PRDM6: variants seen among roughly 807,000 people sequenced by gnomAD.
PRDM6 encodes the protein putative histone-lysine N-methyltransferase PRDM6.
Under a neutral mutation model 60.8 loss-of-function variants are expected in PRDM6, and 25 were observed. The observed-to-expected ratio is 0.41, with a 90% confidence interval of 0.30 to 0.57. The LOEUF is 0.57. Among genes scored for constraint, PRDM6 ranks in the 20% least tolerant of loss-of-function variants. PRDM6 has a pLI of 0.27. For missense variants in PRDM6, 839 were observed against 821.3 expected, an observed-to-expected ratio of 1.02 and a Z score of -0.26; for synonymous variants, 407 against 357.4, an observed-to-expected ratio of 1.14 and a Z score of -1.57.
chr5:123,148,138 T>C (rs1423543672), intron 3 of PRDM6, among the ~76,000 whole-genome samples: 2 of 152,254 alleles, frequency 1.3e-5, no homozygotes, highest in Non-Finnish European at 2.9e-5. Flanking sequence ...TATTTCAGTC[T>C]TGACTTATAT....
intron 3 of PRDM6, among the ~76,000 whole-genome samples, chr5:123,139,221 G>A (rs929863447): frequency 2.6e-5 from 4 of 152,124 alleles, no homozygotes; most frequent in African/African-American, 9.7e-5. Context: ...CGTGAAAACA[G>A]ACTAATATAG....
chr5:123,113,288 T>C (rs6889165), intron 3 of PRDM6, among the ~76,000 whole-genome samples: 56,795 of 152,102 alleles, frequency 0.37, 12,428 homozygotes, highest in African/African-American at 0.59. Flanking sequence ...AAAGCTTTTT[T>C]TAAATGTTTA....
Position 123,170,795 on chromosome 5 carries a change from A to G in PRDM6, c.1183A>G (p.Met395Val). The change falls in exon 6 of 8, where the codon ATG becomes GTG. Residue 395 changes from methionine to valine, a missense_variant. Met to Val is a conservative substitution (Grantham distance 21, BLOSUM62 1). Transcript: ENST00000407847. ...TGTCCCTTCAACGGTAATGGAAGCC[A>G]TGTGCAGACAAGACGCCCTGCAGCC... ...LNVPSTVMEA[M>V]CRQDALQPFN... 1 of 1,551,732 alleles carries G rather than the reference A, an allele frequency of 6.4e-7. No homozygotes were observed. The highest frequency in any genetic ancestry group is 8.7e-7 in the Non-Finnish European group (1 of 1,146,914).
At chr5:123,110,868 T>C (rs1764297856) in intron 3 of PRDM6, among the ~76,000 whole-genome samples, 1 of 151,928 alleles carries the variant, frequency 6.6e-6, no homozygotes, top group Admixed American at 6.6e-5. Context: ...TCCGGCAGTT[T>C]TTACTTTTAT....
At chr5:123,142,257 T>C (rs1397784696) in intron 3 of PRDM6, among the ~76,000 whole-genome samples, 1 of 151,838 alleles carries the variant, frequency 6.6e-6, no homozygotes, top group Admixed American at 6.6e-5. Context: ...ATTCATAGGG[T>C]CATGGAAATG....
At chr5:123,104,275 G>GA (rs1470760466) in intron 3 of PRDM6, among the ~76,000 whole-genome samples, 3 of 151,588 alleles carry the variant, frequency 2.0e-5, no homozygotes, top group African/African-American at 7.3e-5. Flanking sequence ...GGTTCTAGAA[G>GA]AAAATGAATT....
chr5:123,101,739 C>G (rs1764108423), intron 3 of PRDM6, among the ~76,000 whole-genome samples: 1 of 152,106 alleles, frequency 6.6e-6, no homozygotes, highest in Admixed American at 6.5e-5. Context: ...TTTTTTCCCC[C>G]CCAGAAGGCT....
intron 2 of PRDM6, among the ~76,000 whole-genome samples, chr5:123,098,780 C>T (rs1278757842): frequency 1.3e-5 from 2 of 152,250 alleles, no homozygotes; most frequent in African/African-American, 4.8e-5. Flanking sequence ...CTTCCGGCGT[C>T]TAGGGAGAGC....
intron 3 of PRDM6, among the ~76,000 whole-genome samples, chr5:123,109,279 CAACTT>C (rs1443074832): frequency 6.6e-6 from 1 of 152,060 alleles, no homozygotes; most frequent in East Asian, 1.9e-4. Context: ...ATTAGTGAAA[CAACTT>C]AATTTCTTTA....
In PRDM6 at chr5:123,187,118, G is replaced by A. The variant is rs1766305591; in HGVS notation, c.1705G>A (p.Ala569Thr). ...GAGGTGTGAGAGGAGCTTCACGCAG[G>A]CCACCCAGCTGAGCCGACACCAGCG... is the stretch of plus-strand genomic sequence containing the variant. The part of the protein sequence containing the change: ...CERCERSFTQ[A>T]TQLSRHQRMP... Residue 569 changes from alanine (A) to threonine (T), a missense_variant, in exon 8 of 8, where the codon GCC becomes ACC. By Grantham distance (58) the Ala-to-Thr change is moderately conservative (BLOSUM62 0). This residue lies in a region of PRDM6 where 109 missense variants were observed against 172.6 expected (regional missense o/e 0.63). Coordinates refer to ENST00000407847, the MANE Select transcript of PRDM6 (RefSeq NM_001136239.4). The A allele has an allele frequency of 6.4e-7, 1 of 1,551,514 alleles. No individual in the cohort carries two copies. Among genetic ancestry groups the A allele is most frequent in the Non-Finnish European group, 8.7e-7 (1 of 1,146,874 alleles).
intron 3 of PRDM6, among the ~76,000 whole-genome samples, chr5:123,102,952 C>A (rs1764135868): frequency 2.0e-5 from 3 of 152,084 alleles, no homozygotes; most frequent in South Asian, 4.1e-4. Flanking sequence ...CTTAGTTACT[C>A]CTTTTATTTA....
chr5:123,090,212 G>T lies in PRDM6; in HGVS notation c.198G>T (p.Pro66=). 1 of 1,479,944 alleles carries T rather than the reference G, an allele frequency of 6.8e-7. No homozygotes were observed. The highest frequency in any genetic ancestry group is 8.9e-7 in the Non-Finnish European group (1 of 1,117,786). The allele number at this position is 1,479,944 out of a possible 1,614,324, so 91.7% of individuals were successfully genotyped here. A position where few individuals can be genotyped will look rare whatever the true frequency, so the allele number is the denominator to read the frequency against. Reference sequence around the variant, plus strand: ...CCCCGGAGCGCGCTGAGCCTCCGCCGGACAGCCTGCGCCCGCGGCCCGCCT... The same window carrying T: ...CCCCGGAGCGCGCTGAGCCTCCGCCTGACAGCCTGCGCCCGCGGCCCGCCT... The part of the protein sequence containing the change: ...PPPPERAEPP[P]DSLRPRPASL... Residue 66 remains proline, a synonymous_variant, in exon 2 of 8, where the codon CCG becomes CCT. Transcript: ENST00000407847.
chr5:123,137,014 T>C (rs1044244395), intron 3 of PRDM6, among the ~76,000 whole-genome samples: 6 of 152,230 alleles, frequency 3.9e-5, no homozygotes, highest in African/African-American at 1.4e-4. Flanking sequence ...ACTTCTTCTC[T>C]TCATGCCTCA....
Position 123,089,985 on chromosome 5 carries a change from G to T in PRDM6, c.-15-15G>T. 1 of 1,527,162 alleles carries T rather than the reference G, an allele frequency of 6.5e-7. No homozygotes were observed. The highest frequency in any genetic ancestry group is 8.8e-7 in the Non-Finnish European group (1 of 1,130,386). 94.6% of individuals were successfully genotyped at this position (1,527,162 alleles called of 1,614,324 possible). A position where few individuals can be genotyped will look rare whatever the true frequency, so the allele number is the denominator to read the frequency against. On this transcript the variant is annotated splice_polypyrimidine_tract_variant and intron_variant, in intron 1 of 7. Transcript: ENST00000407847. ...CCAGCTCACGCGCCCCCTCTTCCCTGCCCTCTGCCCCCAGTTCGAGGCGCC... is the reference window on the plus strand; with the variant it reads ...CCAGCTCACGCGCCCCCTCTTCCCTTCCCTCTGCCCCCAGTTCGAGGCGCC...
chr5:123,144,394 T>C (rs1765189551), intron 3 of PRDM6, among the ~76,000 whole-genome samples: 1 of 152,160 alleles, frequency 6.6e-6, no homozygotes, highest in South Asian at 2.1e-4. Flanking sequence ...AAGATCAAAG[T>C]GCAAATATTC....
At position 123,089,319 on chromosome 5, in the gene PRDM6, G is replaced by C. The variant is rs1050135111; in HGVS notation, c.-216G>C. Reference sequence around the variant, plus strand: ...CCACGGCGGTTGAGTCGGGCGCCCAGGTCCGTCCGCACTCTCGCGCCCTCC... The same window carrying C: ...CCACGGCGGTTGAGTCGGGCGCCCACGTCCGTCCGCACTCTCGCGCCCTCC... On this transcript the variant is annotated 5_prime_UTR_variant, in exon 1 of 8. Transcript: ENST00000407847. The C allele has an allele frequency of 1.3e-5, 2 of 152,852 alleles. No homozygotes were observed. Among genetic ancestry groups the C allele is most frequent in the Non-Finnish European group, 2.9e-5 (2 of 68,244 alleles). The allele number at this position is 152,852 out of a possible 1,614,324, so 9.5% of individuals were successfully genotyped here. A position where few individuals can be genotyped will look rare whatever the true frequency, so the allele number is the denominator to read the frequency against.
chr5:123,183,893 C>A (rs1310196061), intron 7 of PRDM6, among the ~76,000 whole-genome samples: 2 of 152,142 alleles, frequency 1.3e-5, no homozygotes, highest in African/African-American at 4.8e-5. Flanking sequence ...CGAAGCCTGG[C>A]TTTCTGAACC....
intron 3 of PRDM6, among the ~76,000 whole-genome samples, chr5:123,144,981 T>A (rs685779): frequency 0.063 from 9,649 of 152,178 alleles, 331 homozygotes; most frequent in Non-Finnish European, 0.072. Context: ...ACCAACCAAC[T>A]GACAGACATT....
In PRDM6 at chr5:123,120,723, G is replaced by A. The variant is rs573204913; in HGVS notation, c.900+20762G>A. ...TGCCCTAGTGTAATTTGTATTCTTTGTTACCATTATATTTAAAATATTGTC... is the reference window on the plus strand; with the variant it reads ...TGCCCTAGTGTAATTTGTATTCTTTATTACCATTATATTTAAAATATTGTC... On this transcript the variant is annotated intron_variant, in intron 3 of 7. Transcript: ENST00000407847. Among the ~76,000 whole-genome samples the A allele has an allele frequency of 1.3e-3, 198 of 152,116 alleles. 1 individual carries two copies. The highest frequency in any genetic ancestry group is 2.0e-3 in the Admixed American group (30 of 15,290).
Sources: gnomAD v4.1 joint callset for allele counts (sites outside exome capture counted in the v4.1 genomes callset) on GRCh38, gnomAD v4.1.1 for gene constraint, gnomAD v4.1.1 regional missense constraint, MANE v1.5 for transcripts, NCBI Gene and HGNC (gene_info 2026-07-23, HGNC 2026-07-21) for gene names.